SDK1: variants seen among roughly 807,000 people sequenced by gnomAD.
SDK1 encodes protein sidekick-1.
A neutral mutation model predicts 245.5 loss-of-function variants in SDK1; 157 were observed. The ratio of observed to expected loss-of-function variants is 0.64; its 90% CI spans 0.56 to 0.73. The LOEUF is 0.73. Among genes scored for constraint, SDK1 ranks in the 30% least tolerant of loss-of-function variants. The pLI is 0.00. For synonymous variants in SDK1, 1,647 were observed against 1,278.5 expected (o/e 1.29, Z -6.15); for missense variants, 3,583 against 3,002.3 (o/e 1.19, Z -4.52).
intron 28 of SDK1, among the ~76,000 whole-genome samples, chr7:4,133,093 C>T (rs549212739): frequency 6.6e-6 from 1 of 152,206 alleles, no homozygotes; most frequent in African/African-American, 2.4e-5. Flanking sequence ...AGCCTTGGTT[C>T]CCATGTTCCT....
At chr7:4,214,051 C>G (rs1784653041) in intron 38 of SDK1, among the ~76,000 whole-genome samples, 3 of 152,182 alleles carry the variant, frequency 2.0e-5, no homozygotes, top group African/African-American at 7.2e-5. Flanking sequence ...GTGGCTGCAG[C>G]TTTTCTTCTC....
rs192341419 is a variant in SDK1, at chr7:3,419,358, A to G, written c.298+117474A>G. 1.2e-3 allele frequency among the ~76,000 whole-genome samples: 177 copies of G among 152,140 alleles called. 1 individual carries two copies. The highest frequency in any genetic ancestry group is 4.1e-3 in the African/African-American group (169 of 41,502). ...CTTGATGATAAAGTCAGTAATTAGG[A>G]TCCACTGTTGTTCCCTCTTGTGCCT... is the stretch of plus-strand genomic sequence containing the variant. On this transcript the variant is annotated intron_variant, in intron 1 of 44. Coordinates refer to ENST00000404826, the MANE Select transcript of SDK1 (RefSeq NM_152744.4).
intron 35 of SDK1, among the ~76,000 whole-genome samples, chr7:4,181,807 A>C (rs140204859): frequency 3.7e-4 from 56 of 152,368 alleles, no homozygotes; most frequent in African/African-American, 1.2e-3. Flanking sequence ...CAGAGCTCGA[A>C]GGCGGGTGCT....
Position 3,659,350 on chromosome 7 carries a change from A to G in SDK1, c.713+17245A>G, listed in dbSNP as rs1488227551. Among the ~76,000 whole-genome samples, 5 of 152,194 alleles carry G rather than the reference A, an allele frequency of 3.3e-5. No individual in the cohort carries two copies. In the South Asian group the frequency reaches 8.3e-4, roughly 25 times the overall value. On this transcript the variant is annotated intron_variant, in intron 4 of 44. Coordinates refer to ENST00000404826, the MANE Select transcript of SDK1 (RefSeq NM_152744.4). ...GGATAAACTGACCAAAAAATGGGCAAAAACCAAACACATAAAGAAAGTCAG... is the reference window on the plus strand; with the variant it reads ...GGATAAACTGACCAAAAAATGGGCAGAAACCAAACACATAAAGAAAGTCAG...
chr7:3,526,022 G>T (rs1333920718), intron 1 of SDK1, among the ~76,000 whole-genome samples: 1 of 152,072 alleles, frequency 6.6e-6, no homozygotes. Flanking sequence ...ATCACCTGAG[G>T]TCGGGAGTTT....
chr7:3,932,926 A>G (rs1780029587), intron 5 of SDK1, among the ~76,000 whole-genome samples: 1 of 152,008 alleles, frequency 6.6e-6, no homozygotes, highest in Non-Finnish European at 1.5e-5. Flanking sequence ...GAGCCTGATT[A>G]TTTACGCTTC....
intron 42 of SDK1, among the ~76,000 whole-genome samples, chr7:4,239,246 G>C (rs944934445): frequency 1.3e-5 from 2 of 152,166 alleles, no homozygotes; most frequent in African/African-American, 4.8e-5. Context: ...ATGAAGGCCA[G>C]GAACACCCAC....
intron 9 of SDK1, among the ~76,000 whole-genome samples, chr7:3,966,029 G>A (rs1445904419): frequency 6.6e-6 from 1 of 151,936 alleles, no homozygotes; most frequent in Non-Finnish European, 1.5e-5. Flanking sequence ...GGAGCCTCGG[G>A]AGCTGCGAGC....
chr7:3,736,315 A>G (rs748995317), intron 4 of SDK1, among the ~76,000 whole-genome samples: 7 of 152,166 alleles, frequency 4.6e-5, no homozygotes, highest in African/African-American at 1.7e-4. Flanking sequence ...GTTTTGTGAG[A>G]CAGAGTCTTG....
At chr7:3,454,973 G>C (rs150151915) in intron 1 of SDK1, among the ~76,000 whole-genome samples, 2 of 152,210 alleles carry the variant, frequency 1.3e-5, no homozygotes, top group Non-Finnish European at 2.9e-5. Context: ...CCGTTTCTCT[G>C]TATCCTTGCC....
intron 21 of SDK1, among the ~76,000 whole-genome samples, chr7:4,078,718 C>A (rs1780858575): frequency 6.6e-6 from 1 of 152,140 alleles, no homozygotes; most frequent in Admixed American, 6.5e-5. Flanking sequence ...TGCTACAATT[C>A]CGGGTGGGAG....
chr7:4,018,350 C>G (rs981448179), intron 17 of SDK1, among the ~76,000 whole-genome samples: 1 of 152,124 alleles, frequency 6.6e-6, no homozygotes, highest in Non-Finnish European at 1.5e-5. Flanking sequence ...ATTATCATCC[C>G]GTATTGACTG....
chr7:3,481,408 G>C (rs918342496), intron 1 of SDK1, among the ~76,000 whole-genome samples: 1 of 152,212 alleles, frequency 6.6e-6, no homozygotes, highest in African/African-American at 2.4e-5. Flanking sequence ...TGTCAGTCAA[G>C]GATGTGCCGA....
At chr7:3,613,226 C>G (rs1162548601) in intron 1 of SDK1, among the ~76,000 whole-genome samples, 3 of 152,086 alleles carry the variant, frequency 2.0e-5, no homozygotes, top group African/African-American at 7.2e-5. Flanking sequence ...CCGGGGGACG[C>G]AGGATGAGGT....
At chr7:3,686,306 C>T (rs2114990012) in intron 4 of SDK1, among the ~76,000 whole-genome samples, 1 of 152,284 alleles carries the variant, frequency 6.6e-6, no homozygotes, top group Non-Finnish European at 1.5e-5. Context: ...GAACTCCTGA[C>T]CTCGGGTGAT....
At chr7:4,138,028 GT>G (rs1400372042) in intron 28 of SDK1, among the ~76,000 whole-genome samples, 1 of 152,230 alleles carries the variant, frequency 6.6e-6, no homozygotes, top group Non-Finnish European at 1.5e-5. Flanking sequence ...AGACCGTGGT[GT>G]GGCGACCAGC....
At chr7:3,435,831 A>G (rs994808867) in intron 1 of SDK1, among the ~76,000 whole-genome samples, 5 of 152,104 alleles carry the variant, frequency 3.3e-5, no homozygotes, top group African/African-American at 7.2e-5. Context: ...TGGATTTACA[A>G]TGATTACTTA....
rs1780208036 is a variant in SDK1, at chr7:4,149,457, T to C, written c.4619T>C (p.Val1540Ala). ...SISHEATACV[V>A]DRLRPFTSYK... ...AGCCATGAGGCGACAGCATGCGTCG[T>C]TGACAGGTACTGAGAGAGCAGGAGC... The change falls in exon 30 of 45, where the codon GTT becomes GCT. Residue 1540 changes from valine to alanine, a missense_variant. Val to Ala is a moderately conservative substitution (Grantham distance 64, BLOSUM62 0). Coordinates refer to ENST00000404826, the MANE Select transcript of SDK1 (RefSeq NM_152744.4). The C allele has an allele frequency of 6.6e-7, 1 of 1,510,324 alleles. No homozygotes were observed. Among genetic ancestry groups the C allele is most frequent in the Non-Finnish European group, 8.9e-7 (1 of 1,128,780 alleles). The allele number at this position is 1,510,324 out of a possible 1,614,324, so 93.6% of individuals were successfully genotyped here. A position where few individuals can be genotyped will look rare whatever the true frequency, so the allele number is the denominator to read the frequency against.
At chr7:3,618,886 C>G (rs1348444392) in intron 1 of SDK1, among the ~76,000 whole-genome samples, 194 bp from the exon 2 acceptor site, 2 of 152,134 alleles carry the variant, frequency 1.3e-5, no homozygotes, top group Non-Finnish European at 2.9e-5. Flanking sequence ...GAGCTTTCAG[C>G]TTTTTGAAAT....
Sources: gnomAD v4.1 joint callset for allele counts (sites outside exome capture counted in the v4.1 genomes callset) on GRCh38, gnomAD v4.1.1 for gene constraint, MANE v1.5 for transcripts, NCBI Gene and HGNC (gene_info 2026-07-23, HGNC 2026-07-21) for gene names.